The following ME3 variants were observed in gnomAD, a reference collection of about 807,000 sequenced individuals.
The protein encoded by ME3 is NADP-dependent malic enzyme, mitochondrial.
ME3 carries 48 observed loss-of-function variants against 68.9 expected under a neutral mutation model. That is an observed-to-expected ratio of 0.70 (90% CI 0.55 to 0.89). The LOEUF (loss-of-function observed/expected upper bound fraction) is 0.89. ME3 is among the 40% of genes least tolerant of loss of function. The pLI is 0.00. For synonymous variants in ME3, 320 were observed against 318.8 expected, an observed-to-expected ratio of 1.00 and a Z score of -0.04; for missense variants, 675 against 797.4, an observed-to-expected ratio of 0.85 and a Z score of 1.85.
chr11:86,620,010 T>C (rs1384744572), intron 2 of ME3, among the ~76,000 whole-genome samples: 4 of 141,926 alleles, frequency 2.8e-5, no homozygotes, highest in Non-Finnish European at 6.4e-5. Flanking sequence ...TCTTACCCTG[T>C]TAAGTGCTAA....
At chr11:86,599,460 C>G (rs995506944) in intron 2 of ME3, among the ~76,000 whole-genome samples, 1 of 152,104 alleles carries the variant, frequency 6.6e-6, no homozygotes, top group African/African-American at 2.4e-5. Flanking sequence ...CTGAAAAGAC[C>G]AAATCTGCAT....
intron 2 of ME3, among the ~76,000 whole-genome samples, chr11:86,598,678 C>T (rs1011629143): frequency 1.3e-5 from 2 of 152,216 alleles, no homozygotes; most frequent in Admixed American, 6.5e-5. Flanking sequence ...GACCCCCAAG[C>T]AGCCTAACTG....
chr11:86,505,085 AAGAAGAGGTTCTG>A (rs1952982809), intron 5 of ME3, among the ~76,000 whole-genome samples: 1 of 152,206 alleles, frequency 6.6e-6, no homozygotes, highest in African/African-American at 2.4e-5. Flanking sequence ...TGAAGTAGTG[AAGAAGAGGTTCTG>A]CATCAGTTCC....
chr11:86,495,141 C>T (rs1331175316), intron 6 of ME3, among the ~76,000 whole-genome samples: 2 of 152,176 alleles, frequency 1.3e-5, no homozygotes, highest in East Asian at 3.9e-4. Context: ...TTGGATTCGG[C>T]TCCTAGCCCT....
At chr11:86,629,465 G>A (rs536018964) in intron 2 of ME3, among the ~76,000 whole-genome samples, 113 of 152,220 alleles carry the variant, frequency 7.4e-4, no homozygotes, top group African/African-American at 2.6e-3. Flanking sequence ...CCCCTCCCCC[G>A]TGGGTAAAGG....
intron 2 of ME3, 40 bp from the exon 3 acceptor site, chr11:86,559,863 T>TGC: frequency 6.3e-7 from 1 of 1,599,392 alleles, no homozygotes. Flanking sequence ...CATAAGTGCA[T>TGC]ACTCAGGAGA....
intron 2 of ME3, among the ~76,000 whole-genome samples, chr11:86,670,528 G>T (rs150303164): frequency 8.9e-4 from 136 of 152,272 alleles, no homozygotes; most frequent in Non-Finnish European, 2.5e-4. Context: ...CAAACACCTT[G>T]AACACTTTGG....
chr11:86,654,616 T>G (rs982202680), intron 2 of ME3, among the ~76,000 whole-genome samples: 99 of 152,236 alleles, frequency 6.5e-4, no homozygotes, highest in Non-Finnish European at 1.3e-3. Flanking sequence ...AAGAGCTGTC[T>G]ATGACAAACC....
chr11:86,523,393 C>G (rs995183215), intron 4 of ME3, among the ~76,000 whole-genome samples: 9 of 152,110 alleles, frequency 5.9e-5, no homozygotes, highest in African/African-American at 2.2e-4. Flanking sequence ...AACCATTGTG[C>G]CTTCTTGCCT....
intron 4 of ME3, among the ~76,000 whole-genome samples, chr11:86,531,294 A>G (rs1168410676): frequency 6.6e-6 from 1 of 152,214 alleles, no homozygotes; most frequent in Non-Finnish European, 1.5e-5. Context: ...CAAAACCACA[A>G]TGAGATACCA....
intron 4 of ME3, among the ~76,000 whole-genome samples, chr11:86,522,449 C>A (rs1218604120): frequency 6.6e-6 from 1 of 151,192 alleles, no homozygotes; most frequent in African/African-American, 2.4e-5. Flanking sequence ...GTTTGCTGCA[C>A]CTGTCAACCT....
At chr11:86,636,216 G>A (rs138834194) in intron 2 of ME3, among the ~76,000 whole-genome samples, 96 of 150,954 alleles carry the variant, frequency 6.4e-4, no homozygotes, top group Non-Finnish European at 1.1e-3. Flanking sequence ...AATCCTCTGT[G>A]AGAGCTTAGG....
intron 2 of ME3, among the ~76,000 whole-genome samples, chr11:86,561,807 A>G (rs182694741): frequency 6.5e-4 from 99 of 152,320 alleles, no homozygotes; most frequent in Middle Eastern, 3.4e-3. Flanking sequence ...AAGTTACTCA[A>G]GTCAAAACTT....
intron 5 of ME3, among the ~76,000 whole-genome samples, chr11:86,506,344 T>C (rs1953071332): frequency 6.6e-6 from 1 of 152,238 alleles, no homozygotes; most frequent in South Asian, 2.1e-4. Context: ...AGTCAATAGA[T>C]ATTTAGCTCC....
intron 4 of ME3, among the ~76,000 whole-genome samples, chr11:86,531,379 G>A (rs1450869205): frequency 6.6e-6 from 1 of 152,032 alleles, no homozygotes; most frequent in African/African-American, 2.4e-5. Context: ...GGAGAAATAG[G>A]AACACTTTTA....
chr11:86,602,136 T>C (rs1007164411), intron 2 of ME3, among the ~76,000 whole-genome samples: 3 of 151,574 alleles, frequency 2.0e-5, no homozygotes, highest in African/African-American at 7.3e-5. Flanking sequence ...ATAAAGGGTA[T>C]TCGGTTAGGA....
rs780911860 is a variant in ME3 at position 86,623,273 on chromosome 11, C to T, written c.183+48489G>A. Among the ~76,000 whole-genome samples the T allele has an allele frequency of 3.3e-5, 5 of 152,136 alleles. No individual in the cohort carries two copies. In the South Asian group the frequency reaches 1.0e-3, roughly 32 times the overall value. On this transcript the variant is annotated intron_variant, in intron 2 of 14. Coordinates refer to ENST00000543262, the Ensembl canonical transcript of ME3. The stretch of plus-strand genomic sequence containing the variant: ...GAGCCAGGACATCCATCTTCTCCTG[C>T]CCTTGGATATCAGAGCTCCTGGTTC...
At chr11:86,479,787 G>A (rs1443997771) in intron 7 of ME3, among the ~76,000 whole-genome samples, 1 of 151,400 alleles carries the variant, frequency 6.6e-6, no homozygotes, top group Non-Finnish European at 1.5e-5. Context: ...GGACTGTAAG[G>A]TTGTTGAAGA....
At chr11:86,557,919 A>G (rs1371730388) in intron 3 of ME3, among the ~76,000 whole-genome samples, 2 of 152,198 alleles carry the variant, frequency 1.3e-5, no homozygotes, top group African/African-American at 4.8e-5. Context: ...ATAACCAGTT[A>G]TTAAAGATTT....
Sources: allele counts gnomAD v4.1 joint callset (sites outside exome capture counted in the v4.1 genomes callset), GRCh38; gene constraint gnomAD v4.1.1; transcripts MANE v1.5; gene names NCBI Gene and HGNC (gene_info 2026-07-23, HGNC 2026-07-21).